The following CCDC171 variants were observed in gnomAD, a reference collection of about 807,000 sequenced individuals.
CCDC171 encodes coiled-coil domain-containing protein 171.
Under a neutral mutation model 168.2 loss-of-function variants are expected in CCDC171, and 177 were observed. That is an observed-to-expected ratio of 1.05 (90% CI 0.93 to 1.19). The LOEUF is 1.19. Among genes scored for constraint, CCDC171 ranks in the 50% most tolerant of loss-of-function variants. The pLI, the probability that CCDC171 is intolerant of heterozygous loss-of-function variation, is 0.00. For missense variants in CCDC171, 1,991 were observed against 1,539.0 expected, an observed-to-expected ratio of 1.29 and a Z score of -4.91; for synonymous variants, 687 against 540.8, an observed-to-expected ratio of 1.27 and a Z score of -3.75.
intron 25 of CCDC171, among the ~76,000 whole-genome samples, chr9:15,942,870 A>G (rs375520406): frequency 6.6e-6 from 1 of 151,952 alleles, no homozygotes; most frequent in Non-Finnish European, 1.5e-5. Flanking sequence ...CTACAATATT[A>G]ATAGCAATGT....
At chr9:15,878,173 T>C (rs1818113887) in intron 24 of CCDC171, among the ~76,000 whole-genome samples, 1 of 152,074 alleles carries the variant, frequency 6.6e-6, no homozygotes, top group Non-Finnish European at 1.5e-5. Context: ...CAAAAGAAAC[T>C]ATCAACAGAG....
intron 7 of CCDC171, among the ~76,000 whole-genome samples, chr9:15,631,610 A>T (rs2045708717): frequency 6.6e-6 from 1 of 152,236 alleles, no homozygotes; most frequent in South Asian, 2.1e-4. Context: ...AACTGGTACC[A>T]TTCCTTCTGA....
intron 6 of CCDC171, among the ~76,000 whole-genome samples, chr9:16,032,211 T>A (rs756909029): frequency 7.9e-5 from 12 of 152,214 alleles, no homozygotes; most frequent in Non-Finnish European, 1.6e-4. Context: ...GGAAGGGCCC[T>A]GCTCTGGAAT....
chr9:15,663,667 G>A (rs1043441814), intron 8 of CCDC171, among the ~76,000 whole-genome samples: 15 of 148,028 alleles, frequency 1.0e-4, no homozygotes, highest in African/African-American at 2.5e-4. Flanking sequence ...GTGCAGTGGC[G>A]CGATCTTGGC....
At chr9:15,693,261 C>T (rs995300852) in intron 10 of CCDC171, among the ~76,000 whole-genome samples, 2 of 152,116 alleles carry the variant, frequency 1.3e-5, no homozygotes, top group Non-Finnish European at 2.9e-5. Context: ...GTATATTAAA[C>T]ATACTGTCAA....
chr9:15,554,653 A>T lies in CCDC171; in HGVS notation c.-112+1351A>T, dbSNP rs772167416. 7.9e-5 allele frequency among the ~76,000 whole-genome samples: 12 copies of T among 152,130 alleles called. 1 individual carries two copies. The highest frequency in any genetic ancestry group is 1.5e-4 in the Non-Finnish European group (10 of 67,994). On this transcript the variant is annotated intron_variant, in intron 1 of 25. Coordinates refer to ENST00000380701, the MANE Select transcript of CCDC171 (RefSeq NM_173550.4). The stretch of plus-strand genomic sequence containing the variant: ...GTCCCTTGGTCTTGGTCTTGTTTTG[A>T]TGTAAGAACCAAACTTCCCCTTTAA...
chr9:15,778,927 C>G, intron 19 of CCDC171, 41 bp from the exon 20 acceptor site: 1 of 1,336,004 alleles, frequency 7.5e-7, no homozygotes, highest in Non-Finnish European at 9.9e-7. Flanking sequence ...GTTAGTAAAT[C>G]TGTAGTTACT....
chr9:15,963,719 C>A (rs1413200320), intron 25 of CCDC171, among the ~76,000 whole-genome samples: 2 of 152,136 alleles, frequency 1.3e-5, no homozygotes, highest in Non-Finnish European at 2.9e-5. Context: ...ATACTACTCT[C>A]TCCCCCAATC....
intron 7 of CCDC171, among the ~76,000 whole-genome samples, chr9:15,656,277 G>T (rs1373434140): frequency 2.0e-5 from 3 of 151,336 alleles, no homozygotes; most frequent in African/African-American, 7.3e-5. Flanking sequence ...AGCCTAGATG[G>T]CGCCACTGCA....
At chr9:16,094,863 C>T in the CCDC171 span, among the ~76,000 whole-genome samples, 4 of 151,992 alleles carry the variant, frequency 2.6e-5, no homozygotes, top group African/African-American at 9.7e-5. Flanking sequence ...AATTGTAATC[C>T]CCAGTGTTGA....
At chr9:15,595,833 G>A (rs907124394) in intron 6 of CCDC171, among the ~76,000 whole-genome samples, 6 of 152,108 alleles carry the variant, frequency 3.9e-5, no homozygotes, top group African/African-American at 1.4e-4. Context: ...TTTAATGATT[G>A]CCATTCTAAC....
intron 3 of CCDC171, among the ~76,000 whole-genome samples, chr9:16,001,315 A>G (rs548451017): frequency 9.2e-5 from 14 of 152,266 alleles, no homozygotes; most frequent in African/African-American, 3.4e-4. Flanking sequence ...CTCTTGAAGA[A>G]AACAATATGG....
intron 21 of CCDC171, among the ~76,000 whole-genome samples, chr9:15,834,942 AT>A (rs1306189641): frequency 1.3e-5 from 2 of 152,240 alleles, no homozygotes; most frequent in African/African-American, 4.8e-5. Context: ...TGGAAATAGA[AT>A]TCATCTGTTT....
chr9:15,894,954 A>G lies in CCDC171; in HGVS notation c.3600+20291A>G, dbSNP rs538822134. Among the ~76,000 whole-genome samples, 37 of 152,246 alleles carry G rather than the reference A, an allele frequency of 2.4e-4. No homozygotes were observed. The South Asian group carries it at 6.4e-3, about 26-fold the overall frequency. On this transcript the variant is annotated intron_variant, in intron 24 of 25. Transcript: ENST00000380701. ...GCACCTAGAACATAATGGGTGCTCAATAATATTTGTTGAATATGTTAATGA... is the reference window on the plus strand; with the variant it reads ...GCACCTAGAACATAATGGGTGCTCAGTAATATTTGTTGAATATGTTAATGA...
At chr9:16,029,918 T>C (rs571880442) in intron 6 of CCDC171, among the ~76,000 whole-genome samples, 1 of 152,188 alleles carries the variant, frequency 6.6e-6, no homozygotes, top group South Asian at 2.1e-4. Flanking sequence ...GTTTATAAAC[T>C]GGAATTTATT....
intron 9 of CCDC171, among the ~76,000 whole-genome samples, chr9:15,675,602 A>T (rs202238888): frequency 2.0e-5 from 3 of 152,102 alleles, no homozygotes; most frequent in African/African-American, 7.2e-5. Context: ...TGTTTGTCTG[A>T]AAAGGATTTT....
chr9:15,833,461 TGTGA>T (rs1372275345), intron 21 of CCDC171, among the ~76,000 whole-genome samples: 1 of 152,218 alleles, frequency 6.6e-6, no homozygotes, highest in African/African-American at 2.4e-5. Context: ...ACTTAAAATC[TGTGA>T]GTGAAGTTTA....
intron 22 of CCDC171, among the ~76,000 whole-genome samples, chr9:15,848,412 T>C (rs569629695): frequency 6.6e-6 from 1 of 152,066 alleles, no homozygotes; most frequent in African/African-American, 2.4e-5. Flanking sequence ...GTTTTCTGTG[T>C]AATTATTATA....
chr9:15,733,800 G>T (rs532978008), intron 16 of CCDC171, among the ~76,000 whole-genome samples: 29 of 151,954 alleles, frequency 1.9e-4, no homozygotes, highest in Admixed American at 5.2e-4. Flanking sequence ...AGACACTTTC[G>T]CCCTGTTGCC....
Sources: gnomAD v4.1 joint callset for allele counts (sites outside exome capture counted in the v4.1 genomes callset) on GRCh38, gnomAD v4.1.1 for gene constraint, MANE v1.5 for transcripts, NCBI Gene and HGNC (gene_info 2026-07-23, HGNC 2026-07-21) for gene names.